FRMD4B: variants seen among roughly 807,000 people sequenced by gnomAD.
FRMD4B encodes the protein FERM domain-containing protein 4B.
A neutral mutation model predicts 141.5 loss-of-function variants in FRMD4B; 74 were observed. That is an observed-to-expected ratio of 0.52 (90% CI 0.43 to 0.63). The LOEUF is 0.63. Among genes scored for constraint, FRMD4B ranks in the 30% least tolerant of loss-of-function variants. The pLI is 0.00. For synonymous variants in FRMD4B, 506 were observed against 467.9 expected (o/e 1.08, Z -1.05); for missense variants, 1,366 against 1,253.4 (o/e 1.09, Z -1.36).
At chr3:69,305,964 CTG>C (rs1324805164) in intron 3 of FRMD4B, among the ~76,000 whole-genome samples, 2 of 152,156 alleles carry the variant, frequency 1.3e-5, no homozygotes, top group Non-Finnish European at 2.9e-5. Flanking sequence ...CTGGTTACCT[CTG>C]TGGAAGAAAC....
chr3:69,238,338 T>C (rs9881880), intron 7 of FRMD4B, among the ~76,000 whole-genome samples: 139,748 of 152,224 alleles, frequency 0.92, 64,480 homozygotes, highest in Non-Finnish European at 0.96. Context: ...CCCAGGTCTC[T>C]CTGTTCCTAG....
At chr3:69,385,145 A>C (rs1180898340) in intron 1 of FRMD4B, among the ~76,000 whole-genome samples, 1 of 151,942 alleles carries the variant, frequency 6.6e-6, no homozygotes, top group Non-Finnish European at 1.5e-5. Flanking sequence ...AAGTTGCTGC[A>C]TTTTTTGCCT....
At chr3:69,288,062 G>C (rs1700750000) in intron 4 of FRMD4B, among the ~76,000 whole-genome samples, 1 of 152,202 alleles carries the variant, frequency 6.6e-6, no homozygotes, top group African/African-American at 2.4e-5. Context: ...TGGAAGGTGA[G>C]TTAAAGAGAA....
At chr3:69,330,340 CTTTTTTTTTTTTTT>C (rs34238889) in intron 1 of FRMD4B, among the ~76,000 whole-genome samples, 1 of 42,928 alleles carries the variant, frequency 2.3e-5, no homozygotes, top group Non-Finnish European at 3.8e-5. Flanking sequence ...ATTCTTTTGC[CTTTTTTTTTTTTTT>C]TTTTTTTTTT....
chr3:69,267,591 GTGTGTATATA>G (rs1410892999), intron 5 of FRMD4B, among the ~76,000 whole-genome samples: 21 of 98,128 alleles, frequency 2.1e-4, no homozygotes, highest in African/African-American at 7.5e-4. Flanking sequence ...GTGTGTGTGT[GTGTGTATATA>G]TATATATATA....
chr3:69,450,806 A>C (rs931966474), intron 1 of FRMD4B, among the ~76,000 whole-genome samples: 14 of 151,650 alleles, frequency 9.2e-5, no homozygotes, highest in African/African-American at 3.4e-4. Flanking sequence ...ACAACAACAA[A>C]AAATGTAAGC....
intron 21 of FRMD4B, among the ~76,000 whole-genome samples, chr3:69,178,210 T>C (rs1303818334): frequency 6.6e-6 from 1 of 151,950 alleles, no homozygotes; most frequent in African/African-American, 2.4e-5. Context: ...CCTACTCCTC[T>C]TCTCTCTCAT....
At chr3:69,493,706 T>C (rs9815114) in intron 1 of FRMD4B, among the ~76,000 whole-genome samples, 16 of 151,888 alleles carry the variant, frequency 1.1e-4, no homozygotes, top group Non-Finnish European at 2.4e-4. Context: ...TCTCTCCATC[T>C]CTCTCTCGAT....
chr3:69,267,247 A>G (rs1055410590), intron 5 of FRMD4B, among the ~76,000 whole-genome samples: 1 of 152,126 alleles, frequency 6.6e-6, no homozygotes, highest in Non-Finnish European at 1.5e-5. Flanking sequence ...CAGCTGCCCT[A>G]TACTCTTCAG....
At chr3:69,465,399 T>C (rs1164287213) in intron 1 of FRMD4B, among the ~76,000 whole-genome samples, 1 of 152,172 alleles carries the variant, frequency 6.6e-6, no homozygotes. Flanking sequence ...TATTCTTTCT[T>C]TAAAATTATT....
chr3:69,355,538 T>C (rs544737389), intron 1 of FRMD4B, among the ~76,000 whole-genome samples: 10 of 152,170 alleles, frequency 6.6e-5, no homozygotes, highest in Admixed American at 1.3e-4. Context: ...AAAAATGTTT[T>C]CACTGTTGAA....
rs765395027 is a variant in FRMD4B at position 69,181,288 on chromosome 3, C to G, written c.2462G>C (p.Gly821Ala). ...GGTGTCATTCTCATAGACATAACCA[C>G]CACTGTAATAAAAGTCACACTCTGC... ...PYAECDFYYS[G>A]GYVYENDTEG... The change falls in exon 21 of 23, where the codon GGT (glycine) becomes GCT (alanine). Residue 821 changes from glycine (G) to alanine (A), a missense_variant. Gly to Ala is a moderately conservative substitution (Grantham distance 60). Transcript: ENST00000398540. 1.5e-5 allele frequency: 24 copies of G among 1,613,782 alleles called. No homozygotes were observed. The highest frequency in any genetic ancestry group is 2.0e-5 in the Non-Finnish European group (24 of 1,179,836).
intron 11 of FRMD4B, among the ~76,000 whole-genome samples, chr3:69,212,738 C>T (rs1045399394): frequency 1.3e-5 from 2 of 152,196 alleles, no homozygotes; most frequent in Admixed American, 6.5e-5. Flanking sequence ...CTGCTGGAAG[C>T]TCAATCTTAT....
intron 1 of FRMD4B, among the ~76,000 whole-genome samples, chr3:69,518,323 T>C (rs1412625054): frequency 6.6e-6 from 1 of 152,164 alleles, no homozygotes; most frequent in Non-Finnish European, 1.5e-5. Flanking sequence ...TGATCAATCA[T>C]CATTCAGTGA....
intron 4 of FRMD4B, among the ~76,000 whole-genome samples, chr3:69,298,013 A>T (rs959667088): frequency 6.6e-6 from 1 of 152,158 alleles, no homozygotes; most frequent in African/African-American, 2.4e-5. Context: ...CAGAAGCAGC[A>T]TATGTTTCTG....
intron 9 of FRMD4B, among the ~76,000 whole-genome samples, chr3:69,221,159 C>T (rs532501871): frequency 6.6e-6 from 1 of 152,078 alleles, no homozygotes; most frequent in Non-Finnish European, 1.5e-5. Context: ...GATGGGGTTT[C>T]ACCATGTTGG....
chr3:69,267,634 TATAGAGAGAGAG>T (rs1559765502), intron 5 of FRMD4B, among the ~76,000 whole-genome samples: 25 of 10,262 alleles, frequency 2.4e-3, no homozygotes, highest in African/African-American at 7.7e-3. Context: ...TATATATATA[TATAGAGAGAGAG>T]AGAGAGAGAG....
At chr3:69,489,264 T>C (rs1318042685) in intron 1 of FRMD4B, among the ~76,000 whole-genome samples, 1 of 149,508 alleles carries the variant, frequency 6.7e-6, no homozygotes, top group Non-Finnish European at 1.5e-5. Context: ...AAATGAGATA[T>C]ATGTATATAA....
rs1559689433 is a variant in FRMD4B at position 69,181,514 on chromosome 3, C to CTGGT, written c.2232_2235dup (p.Val746ThrfsTer43). On this transcript the variant is annotated frameshift_variant, in exon 21 of 23. Coordinates refer to ENST00000398540, the MANE Select transcript of FRMD4B (RefSeq NM_015123.3). LOFTEE classifies it high-confidence loss of function. ...TGGGTGGTGTAATAGGGGCCGGTAACTGGTGTCACACAGTAATACTCTGTG... is the reference window on the plus strand; with the variant it reads ...TGGGTGGTGTAATAGGGGCCGGTAACTGGTTGGTGTCACACAGTAATACTCTGTG... The CTGGT allele has an allele frequency of 6.2e-7, 1 of 1,613,918 alleles. No individual in the cohort carries two copies. The highest frequency in any genetic ancestry group is 8.5e-7 in the Non-Finnish European group (1 of 1,179,832).
Sources: allele counts gnomAD v4.1 joint callset (sites outside exome capture counted in the v4.1 genomes callset), GRCh38; gene constraint gnomAD v4.1.1; transcripts MANE v1.5; gene names NCBI Gene and HGNC (gene_info 2026-07-23, HGNC 2026-07-21).